Variants in CAPRIN1 observed in about 807,000 individuals in gnomAD.
The protein encoded by CAPRIN1 is caprin-1.
In CAPRIN1, 29 loss-of-function variants were observed where a neutral mutation model predicts 100.9. The ratio of observed to expected loss-of-function variants is 0.29; its 90% CI spans 0.21 to 0.39. The LOEUF (loss-of-function observed/expected upper bound fraction) is 0.39, where lower values mean the gene tolerates loss of function less well. Ranked by LOEUF, CAPRIN1 falls within the 10% of genes least tolerant of loss-of-function variation. The pLI, the probability that CAPRIN1 is intolerant of heterozygous loss-of-function variation, is 1.00. For synonymous variants in CAPRIN1, 338 were observed against 307.5 expected (o/e 1.10, Z -1.04); for missense variants, 795 against 876.7 (o/e 0.91, Z 1.18).
chr11:34,058,055 ATT>A (rs1850491046), intron 2 of CAPRIN1, among the ~76,000 whole-genome samples: 1 of 152,036 alleles, frequency 6.6e-6, no homozygotes, highest in Non-Finnish European at 1.5e-5. Flanking sequence ...CCACCTTAGA[ATT>A]TAGTCCAGTT....
rs550060456 is a variant in CAPRIN1 at position 34,061,683 on chromosome 11, T to G, written c.216+9047T>G. ...AGTTCTTGGTGGTAGAAGTATATCC[T>G]TACCGGCCGGGCACAATGGCTCATG... On this transcript the variant is annotated intron_variant, in intron 2 of 18. Coordinates refer to ENST00000341394, the MANE Select transcript of CAPRIN1 (RefSeq NM_005898.5). Among the ~76,000 whole-genome samples the G allele has an allele frequency of 4.6e-5, 7 of 152,154 alleles. No individual in the cohort carries two copies. In the South Asian group the frequency reaches 1.5e-3, roughly 32 times the overall value.
chr11:34,079,713 G>A lies in CAPRIN1; in HGVS notation c.774G>A (p.Glu258=). ...STHNHQNGLC[E]EEEAASAPAV... ...ACAACCACCAGAATGGGCTGTGTGA[G>A]GAAGAAGAGGCAGCCTCAGCACCTG... Residue 258 remains glutamate, a synonymous_variant, in exon 7 of 19, where the codon GAG becomes GAA. Coordinates refer to ENST00000341394, the MANE Select transcript of CAPRIN1 (RefSeq NM_005898.5). 4 of 1,614,116 alleles carry A rather than the reference G, an allele frequency of 2.5e-6. No individual in the cohort carries two copies. The highest frequency in any genetic ancestry group is 3.4e-6 in the Non-Finnish European group (4 of 1,180,004).
intron 4 of CAPRIN1, among the ~76,000 whole-genome samples, chr11:34,074,749 A>G (rs1850873739): frequency 6.6e-6 from 1 of 152,190 alleles, no homozygotes; most frequent in Non-Finnish European, 1.5e-5. Flanking sequence ...CGGGCTTGGC[A>G]GCACACACCT....
chr11:34,091,950 A>G lies in CAPRIN1; in HGVS notation c.1599A>G (p.Glu533=). The change falls in exon 15 of 19, where the codon GAA becomes GAG. Residue 533 remains glutamate, a synonymous_variant. Coordinates refer to ENST00000341394, the MANE Select transcript of CAPRIN1 (RefSeq NM_005898.5). ...NAPVPPVNEP[E]TLKQQNQYQA... The stretch of plus-strand genomic sequence containing the variant: ...CAGTTCCTCCTGTTAATGAACCAGA[A>G]ACTTTAAAACAGCAAAATCAGTACC... The G allele has an allele frequency of 6.2e-7, 1 of 1,613,926 alleles. No individual in the cohort carries two copies. The highest frequency in any genetic ancestry group is 8.5e-7 in the Non-Finnish European group (1 of 1,179,936).
At position 34,099,998 on chromosome 11, in the gene CAPRIN1, A is replaced by G. The variant is rs1851428988; in HGVS notation, c.*631A>G. 6.5e-6 allele frequency: 1 copy of G among 152,784 alleles called. No individual in the cohort carries two copies. The highest frequency in any genetic ancestry group is 2.4e-5 in the African/African-American group (1 of 41,472). 9.5% of individuals were successfully genotyped at this position (152,784 alleles called of 1,614,324 possible). On this transcript the variant is annotated 3_prime_UTR_variant, in exon 19 of 19. Transcript: ENST00000341394. ...AAACACATGTAAAATGCTTTTTAACAGCTGATACTGTATAAGACAAAGCCA... is the reference window on the plus strand; with the variant it reads ...AAACACATGTAAAATGCTTTTTAACGGCTGATACTGTATAAGACAAAGCCA...
chr11:34,054,670 G>T (rs996801084), intron 2 of CAPRIN1, among the ~76,000 whole-genome samples: 5 of 152,066 alleles, frequency 3.3e-5, no homozygotes, highest in African/African-American at 9.7e-5. Flanking sequence ...CTCCTGATCC[G>T]CCCGCCTTGG....
intron 2 of CAPRIN1, among the ~76,000 whole-genome samples, chr11:34,067,928 C>T (rs1178375084): frequency 6.6e-6 from 1 of 152,176 alleles, no homozygotes; most frequent in African/African-American, 2.4e-5. Flanking sequence ...TTCATTTCCC[C>T]TTTAACCTTG....
chr11:34,098,726 T>C (rs1851407758), intron 18 of CAPRIN1: 1 of 985,330 alleles, frequency 1.0e-6, no homozygotes, highest in South Asian at 4.7e-5. Flanking sequence ...TTGTAGCATA[T>C]TCGATGAAAG....
rs577412193 is a variant in CAPRIN1, at chr11:34,101,351, T to A, written c.*1984T>A. Reference sequence around the variant, plus strand: ...TTTACTGGGTAATCCCTAGATGATGTATGCTTGCAGTCCTATATAAAACTA... The same window carrying A: ...TTTACTGGGTAATCCCTAGATGATGAATGCTTGCAGTCCTATATAAAACTA... On this transcript the variant is annotated 3_prime_UTR_variant, in exon 19 of 19. Transcript: ENST00000341394. 5.1e-4 allele frequency among the ~76,000 whole-genome samples: 78 copies of A among 152,316 alleles called. No homozygotes were observed. The highest frequency in any genetic ancestry group is 9.9e-4 in the Non-Finnish European group (67 of 68,006).
At chr11:34,071,697 A>T in intron 2 of CAPRIN1, 29 bp from the exon 3 acceptor site, 1 of 1,534,026 alleles carries the variant, frequency 6.5e-7, no homozygotes, top group Non-Finnish European at 9.0e-7. Context: ...TCAAAACGGA[A>T]TGTAATTCTT....
At chr11:34,076,770 G>A in intron 6 of CAPRIN1, 128 bp downstream of exon 6, 2 of 661,002 alleles carry the variant, frequency 3.0e-6, no homozygotes, top group Non-Finnish European at 5.1e-6. Context: ...AGTCTACTCT[G>A]TTGCCCAGGT....
intron 15 of CAPRIN1, chr11:34,096,223 G>T: frequency 3.2e-6 from 1 of 309,776 alleles, no homozygotes; most frequent in Non-Finnish European, 5.9e-6. Flanking sequence ...TAATTTGTTT[G>T]GAAGGATCAA....
chr11:34,052,936 TG>T, intron 2 of CAPRIN1: 2 of 1,238,668 alleles, frequency 1.6e-6, no homozygotes, highest in Non-Finnish European at 2.0e-6. Flanking sequence ...CATGTGAGGG[TG>T]GGGGCCTGTC....
At chr11:34,091,353 C>A (rs909086777) in intron 14 of CAPRIN1, among the ~76,000 whole-genome samples, 2 of 152,180 alleles carry the variant, frequency 1.3e-5, no homozygotes, top group African/African-American at 4.8e-5. Flanking sequence ...GTGGCGTGAT[C>A]TCAGCTCACT....
Position 34,101,638 on chromosome 11 carries a change from A to G in CAPRIN1, c.*2271A>G, listed in dbSNP as rs1851456141. Among the ~76,000 whole-genome samples the G allele has an allele frequency of 6.6e-6, 1 of 152,056 alleles. No individual in the cohort carries two copies. The highest frequency in any genetic ancestry group is 2.1e-4 in the South Asian group (1 of 4,834). On this transcript the variant is annotated 3_prime_UTR_variant, in exon 19 of 19. Transcript: ENST00000341394. The stretch of plus-strand genomic sequence containing the variant: ...TTCTTTTTTTGGTTATTTTACCATC[A>G]CAGTTTAAATGTATATCTTTTATGT...
In CAPRIN1 at chr11:34,090,827, A is replaced by G. The variant is rs1186956327; in HGVS notation, c.1554+149A>G. 34 of 671,266 alleles carry G rather than the reference A, an allele frequency of 5.1e-5. No individual in the cohort carries two copies. The East Asian group carries it at 8.9e-4, about 18-fold the overall frequency. The allele number at this position is 671,266 out of a possible 1,614,324, so 41.6% of individuals were successfully genotyped here. ...ATATTTAATTGAACATAAACTGATT[A>G]TTCCAGAGATTAACTGATACTAACG... On this transcript the variant is annotated intron_variant, in intron 14 of 18. Coordinates refer to ENST00000341394, the MANE Select transcript of CAPRIN1 (RefSeq NM_005898.5).
rs1850343704 is a variant in CAPRIN1 at position 34,052,508 on chromosome 11, G to A, written c.88G>A (p.Ala30Thr). ...GGGTTCCTCCGGGAGTGAGGCGGCC[G>A]CGGGAGCCGGGGCCGCCGCGCCGGC... is the stretch of plus-strand genomic sequence containing the variant. ...PSGSSGSEAA[A>T]GAGAAAPASQ... The change falls in exon 2 of 19, where the codon GCG (alanine) becomes ACG (threonine). Residue 30 changes from alanine (A) to threonine (T), a missense_variant. By Grantham distance (58) the Ala-to-Thr change is moderately conservative (BLOSUM62 0). This residue lies in a region of CAPRIN1 where 109 missense variants were observed against 86.6 expected (regional missense o/e 1.26). Transcript: ENST00000341394. 7 of 1,604,378 alleles carry A rather than the reference G, an allele frequency of 4.4e-6. No homozygotes were observed. The highest frequency in any genetic ancestry group is 5.1e-6 in the Non-Finnish European group (6 of 1,176,544).
At chr11:34,053,350 T>G (rs1207301814) in intron 2 of CAPRIN1, 1 of 169,792 alleles carries the variant, frequency 5.9e-6, no homozygotes, top group Non-Finnish European at 1.2e-5. Context: ...TGCAGCGACT[T>G]TTTGTTCCTA....
chr11:34,052,243 T>TAG (rs1850327846), intron 1 of CAPRIN1, 178 bp from the exon 2 acceptor site: 2 of 280,112 alleles, frequency 7.1e-6, no homozygotes, highest in Non-Finnish European at 1.3e-5. Context: ...CGCTGGCGGG[T>TAG]CGCGCGCGCG....
Sources: allele counts gnomAD v4.1 joint callset (sites outside exome capture counted in the v4.1 genomes callset), GRCh38; gene constraint gnomAD v4.1.1; regional missense constraint gnomAD v4.1.1; transcripts MANE v1.5; gene names NCBI Gene and HGNC (gene_info 2026-07-23, HGNC 2026-07-21).